Variants in UBASH3B observed in about 807,000 individuals in gnomAD.
The protein encoded by UBASH3B is ubiquitin-associated and SH3 domain-containing protein B.
A neutral mutation model predicts 83.4 loss-of-function variants in UBASH3B; 37 were observed. That is an observed-to-expected ratio of 0.44 (90% CI 0.34 to 0.58). UBASH3B has a LOEUF of 0.58. Among genes scored for constraint, UBASH3B ranks in the 20% least tolerant of loss-of-function variants. The pLI, the probability that UBASH3B is intolerant of heterozygous loss-of-function variation, is 0.01. For synonymous variants in UBASH3B, 304 were observed against 318.3 expected (o/e 0.96, Z 0.48); for missense variants, 657 against 827.2 (o/e 0.79, Z 2.52).
At chr11:122,743,403 TG>T (rs1307409515) in intron 1 of UBASH3B, among the ~76,000 whole-genome samples, 1 of 152,044 alleles carries the variant, frequency 6.6e-6, no homozygotes, top group Non-Finnish European at 1.5e-5. Flanking sequence ...CTTGTACAGT[TG>T]GGGGTCTCGC....
rs1861437098 is a variant in UBASH3B at position 122,811,000 on chromosome 11, A to C, written c.*1114A>C. On this transcript the variant is annotated 3_prime_UTR_variant, in exon 14 of 14. Transcript: ENST00000284273. ...TATAAATGATGACAGTCATGGCTGC[A>C]CTGCTACTTGTGCTGTCGTTTTGTT... The C allele has an allele frequency of 6.6e-6, 1 of 152,368 alleles. No individual in the cohort carries two copies. Among genetic ancestry groups the C allele is most frequent in the African/African-American group, 2.4e-5 (1 of 41,454 alleles). 9.4% of individuals were successfully genotyped at this position (152,368 alleles called of 1,614,324 possible). A position where few individuals can be genotyped will look rare whatever the true frequency, so the allele number is the denominator to read the frequency against.
At chr11:122,688,899 CT>C (rs1230232192) in intron 1 of UBASH3B, among the ~76,000 whole-genome samples, 1 of 151,942 alleles carries the variant, frequency 6.6e-6, no homozygotes, top group African/African-American at 2.4e-5. Context: ...CTGCCTGGGC[CT>C]CCAAAAGTGC....
chr11:122,734,454 G>T (rs1239897826), intron 1 of UBASH3B, among the ~76,000 whole-genome samples: 2 of 152,104 alleles, frequency 1.3e-5, no homozygotes, highest in Non-Finnish European at 2.9e-5. Flanking sequence ...GGTGTTCATA[G>T]ATTTACTAGT....
At chr11:122,785,640 A>G (rs1289879504) in intron 5 of UBASH3B, among the ~76,000 whole-genome samples, 1 of 152,216 alleles carries the variant, frequency 6.6e-6, no homozygotes, top group Non-Finnish European at 1.5e-5. Context: ...GGGTGATCCA[A>G]AAAGCATCAA....
Position 122,813,619 on chromosome 11 carries a change from G to A in UBASH3B, c.*3733G>A, listed in dbSNP as rs74403250. ...AATCCAGCACACGTGTGAGAAAGAA[G>A]AGGCACTAGTCTAAAAGGCTGCATT... is the stretch of plus-strand genomic sequence containing the variant. On this transcript the variant is annotated 3_prime_UTR_variant, in exon 14 of 14. Transcript: ENST00000284273. The A allele has an allele frequency of 3.3e-4, 50 of 152,306 alleles. No individual in the cohort carries two copies. Among genetic ancestry groups the A allele is most frequent in the African/African-American group, 1.2e-3 (50 of 41,572 alleles). The allele number at this position is 152,306 out of a possible 1,614,324, so 9.4% of individuals were successfully genotyped here.
chr11:122,800,178 C>T lies in UBASH3B; in HGVS notation c.1451-1010C>T, dbSNP rs1315658858. Among the ~76,000 whole-genome samples the T allele has an allele frequency of 2.6e-5, 4 of 152,132 alleles. No homozygotes were observed. In the East Asian group the frequency reaches 5.8e-4, roughly 22 times the overall value. On this transcript the variant is annotated intron_variant, in intron 10 of 13. Transcript: ENST00000284273. ...GAATAATTTACATGATATTCAAATA[C>T]GATGTTGGATACTCAGAGACTATCT...
Position 122,779,597 on chromosome 11 carries a change from C to A in UBASH3B, c.503C>A (p.Thr168Lys). 6 of 1,614,180 alleles carry A rather than the reference C, an allele frequency of 3.7e-6. No homozygotes were observed. Among genetic ancestry groups the A allele is most frequent in the Non-Finnish European group, 5.1e-6 (6 of 1,180,038 alleles). Residue 168 changes from threonine (T) to lysine (K), a missense_variant, in exon 4 of 14, where the codon ACG becomes AAG. By Grantham distance (78) the Thr-to-Lys change is moderately conservative. Around this residue, in one of 3 missense-constraint regions of UBASH3B, gnomAD observed 573 missense variants for 739.0 expected, o/e 0.78. Coordinates refer to ENST00000284273, the MANE Select transcript of UBASH3B (RefSeq NM_032873.5). ...GCCCCGCTGCCCCTGGAGCTCTATA[C>A]GTCGTCCAACTTCATCGGCCTCTTT... is the stretch of plus-strand genomic sequence containing the variant. ...FSAPLPLELY[T>K]SSNFIGLFVK...
Position 122,805,885 on chromosome 11 carries a change from A to G in UBASH3B, c.1596-525A>G, listed in dbSNP as rs141281968. 3.6e-3 allele frequency among the ~76,000 whole-genome samples: 541 copies of G among 152,380 alleles called. 4 individuals are homozygous for G. Among genetic ancestry groups the G allele is most frequent in the African/African-American group, 0.012 (515 of 41,600 alleles). ...CAGAAATTGAGTGGTCTTCATCTTT[A>G]TGCTTTGCACTTCTCCTTGTGCCAA... On this transcript the variant is annotated intron_variant, in intron 11 of 13. Coordinates refer to ENST00000284273, the MANE Select transcript of UBASH3B (RefSeq NM_032873.5).
At chr11:122,741,256 G>A (rs1861019602) in intron 1 of UBASH3B, among the ~76,000 whole-genome samples, 1 of 152,128 alleles carries the variant, frequency 6.6e-6, no homozygotes, top group Non-Finnish European at 1.5e-5. Context: ...ATATTTTCAT[G>A]TTCGGCTCTT....
At chr11:122,687,958 T>G (rs1405682709) in intron 1 of UBASH3B, among the ~76,000 whole-genome samples, 1 of 152,230 alleles carries the variant, frequency 6.6e-6, no homozygotes, top group Non-Finnish European at 1.5e-5. Context: ...TTTTGTTTTC[T>G]TTTATTAAGT....
chr11:122,679,575 G>C (rs1055745535), intron 1 of UBASH3B, among the ~76,000 whole-genome samples: 1 of 152,122 alleles, frequency 6.6e-6, no homozygotes, highest in Non-Finnish European at 1.5e-5. Flanking sequence ...CTGAAGTCTG[G>C]GACACCTTGA....
chr11:122,744,900 C>CGT (rs1565549521), intron 1 of UBASH3B, among the ~76,000 whole-genome samples: 2 of 115,752 alleles, frequency 1.7e-5, no homozygotes, highest in African/African-American at 5.8e-5. Context: ...TGTGTGTGTG[C>CGT]GCGCGCGCGC....
intron 1 of UBASH3B, among the ~76,000 whole-genome samples, chr11:122,738,994 T>C (rs1426355880): frequency 6.6e-6 from 1 of 152,150 alleles, no homozygotes. Context: ...AGGGTTTGTT[T>C]TGTTCTGCTT....
intron 1 of UBASH3B, among the ~76,000 whole-genome samples, chr11:122,715,166 C>T (rs1420308207): frequency 7.9e-5 from 12 of 152,250 alleles, no homozygotes; most frequent in Admixed American, 4.6e-4. Context: ...AGGATGGTCT[C>T]GATCTCCTGA....
At chr11:122,728,340 C>T (rs1894079) in intron 1 of UBASH3B, among the ~76,000 whole-genome samples, 48,834 of 152,142 alleles carry the variant, frequency 0.32, 8,997 homozygotes, top group Middle Eastern at 0.48. Context: ...CACAGACATC[C>T]TTCTGCCTTT....
intron 5 of UBASH3B, among the ~76,000 whole-genome samples, chr11:122,787,662 G>A (rs77441558): frequency 3.3e-5 from 5 of 152,186 alleles, no homozygotes; most frequent in South Asian, 2.1e-4. Flanking sequence ...AGGATGTGAC[G>A]TGGGAGATCA....
At chr11:122,803,123 T>C (rs992693018) in intron 11 of UBASH3B, among the ~76,000 whole-genome samples, 4 of 152,172 alleles carry the variant, frequency 2.6e-5, no homozygotes, top group African/African-American at 9.7e-5. Flanking sequence ...CAGATTGCCT[T>C]TTCCTCTCCG....
intron 1 of UBASH3B, among the ~76,000 whole-genome samples, chr11:122,688,625 C>CA (rs1863840411): frequency 7.3e-6 from 1 of 137,400 alleles, no homozygotes; most frequent in East Asian, 2.1e-4. Flanking sequence ...TTTTTTCTTT[C>CA]TTTTATTTTA....
rs1228947332 is a variant in UBASH3B at position 122,779,696 on chromosome 11, G to A, written c.601+1G>A. On this transcript the variant is annotated splice_donor_variant, in intron 4 of 13. Coordinates refer to ENST00000284273, the MANE Select transcript of UBASH3B (RefSeq NM_032873.5). LOFTEE classifies it high-confidence loss of function. ...GCTGCAGAGGCTGCATCCAAAACCG[G>A]TGAGCAAACAGCTGCCAGGCCAGCC... 6.2e-7 allele frequency: 1 copy of A among 1,614,178 alleles called. No individual in the cohort carries two copies. The highest frequency in any genetic ancestry group is 1.1e-5 in the South Asian group (1 of 91,082).
Sources: gnomAD v4.1 joint callset for allele counts (sites outside exome capture counted in the v4.1 genomes callset) on GRCh38, gnomAD v4.1.1 for gene constraint, gnomAD v4.1.1 regional missense constraint, MANE v1.5 for transcripts, NCBI Gene and HGNC (gene_info 2026-07-23, HGNC 2026-07-21) for gene names.